Variants in DHRSX observed in about 807,000 individuals in gnomAD.
DHRSX encodes polyprenol dehydrogenase.
A neutral mutation model predicts 34.0 loss-of-function variants in DHRSX; 31 were observed. That is an observed-to-expected ratio of 0.91 (90% CI 0.69 to 1.23). The LOEUF is 1.23. DHRSX is among the 50% of genes most tolerant of loss of function. The pLI is 0.00. For synonymous variants in DHRSX, 201 were observed against 183.8 expected, an observed-to-expected ratio of 1.09 and a Z score of -0.76; for missense variants, 414 against 428.1, an observed-to-expected ratio of 0.97 and a Z score of 0.29.
intron 1 of DHRSX, among the ~76,000 whole-genome samples, chrX:2,458,015 A>T (rs768476603): frequency 3.3e-5 from 5 of 151,816 alleles, no homozygotes; most frequent in South Asian, 4.2e-4. Context: ...TTCCCTAAGA[A>T]TGCGGCCAAG....
At chrX:2,408,837 A>G (rs755401683) in intron 2 of DHRSX, 24 bp from the exon 3 acceptor site, 47 of 1,585,370 alleles carry the variant, frequency 3.0e-5, no homozygotes, top group Non-Finnish European at 3.8e-5. Context: ...GAAAAAAAAG[A>G]TACGGTGACT....
rs781233833 is a variant in DHRSX at position 2,357,700 on chromosome X, TAAAAA to T, written c.286+51040_286+51044del. On this transcript the variant is annotated intron_variant, in intron 3 of 6. Transcript: ENST00000334651. ...TCAAACACTTTGGGACTCAGGAAATTAAAAAAAAAAAAAAAAAAAAGAATCATTGC... is the reference window on the plus strand; with the variant it reads ...TCAAACACTTTGGGACTCAGGAAATTAAAAAAAAAAAAAAAGAATCATTGC... 8.5e-4 allele frequency among the ~76,000 whole-genome samples: 106 copies of T among 125,162 alleles called. 2 individuals carry two copies. The highest frequency in any genetic ancestry group is 2.3e-3 in the Admixed American group (29 of 12,354). The allele number at this position is 125,162 out of a possible 152,430, so 82.1% of individuals were successfully genotyped here.
chrX:2,464,868 A>G (rs1172447755), intron 1 of DHRSX, among the ~76,000 whole-genome samples: 2 of 152,012 alleles, frequency 1.3e-5, no homozygotes, highest in East Asian at 3.9e-4. Flanking sequence ...AGAATTCCCT[A>G]AGCATGTGGC....
intron 1 of DHRSX, chrX:2,488,895 AGTACTT>A: frequency 6.2e-7 from 1 of 1,609,988 alleles, no homozygotes; most frequent in Non-Finnish European, 8.5e-7. Flanking sequence ...GTCACGCACC[AGTACTT>A]CTGCAGCACC....
intron 4 of DHRSX, among the ~76,000 whole-genome samples, chrX:2,284,019 A>C (rs2041770885): frequency 6.6e-6 from 1 of 151,888 alleles, no homozygotes; most frequent in Admixed American, 6.6e-5. Flanking sequence ...CATTCCTCTG[A>C]ATTTATTCAT....
chrX:2,237,256 C>A (rs1314596617), intron 6 of DHRSX, among the ~76,000 whole-genome samples: 5 of 152,138 alleles, frequency 3.3e-5, no homozygotes, highest in African/African-American at 1.2e-4. Context: ...GTCACCCTCT[C>A]GGCACATCAA....
intron 4 of DHRSX, among the ~76,000 whole-genome samples, chrX:2,282,930 G>T (rs1409318499): frequency 2.6e-5 from 4 of 151,626 alleles, no homozygotes; most frequent in African/African-American, 9.7e-5. Context: ...TAGAAGCGGG[G>T]ATGGGGTAGA....
chrX:2,349,911 C>T (rs778588471), intron 3 of DHRSX, among the ~76,000 whole-genome samples: 2 of 149,956 alleles, frequency 1.3e-5, no homozygotes, highest in African/African-American at 4.9e-5. Context: ...TGGTGGCAGG[C>T]GCCTGCAGTC....
chrX:2,355,509 TCTAAAA>T (rs2042838097), intron 3 of DHRSX, among the ~76,000 whole-genome samples: 2 of 38,816 alleles, frequency 5.2e-5, no homozygotes, highest in East Asian at 3.0e-3. Context: ...CGAGACCCCA[TCTAAAA>T]AAAAAAAAAA....
At chrX:2,338,988 T>G (rs1206536100) in intron 3 of DHRSX, among the ~76,000 whole-genome samples, 2 of 152,036 alleles carry the variant, frequency 1.3e-5, no homozygotes, top group African/African-American at 2.4e-5. Flanking sequence ...GGTACACTCA[T>G]GGAATGATAA....
In DHRSX at chrX:2,443,733, A is replaced by G. The variant is rs184861741; in HGVS notation, c.110-18429T>C. The stretch of plus-strand genomic sequence containing the variant: ...AAAAAAAAGAGCCAATGGGCCGGGC[A>G]CGGTAGCTCACGCCTGTAATCCCAG... On this transcript the variant is annotated intron_variant, in intron 1 of 6. Transcript: ENST00000334651. Among the ~76,000 whole-genome samples, 1,455 of 152,292 alleles carry G rather than the reference A, an allele frequency of 9.6e-3. 22 individuals are homozygous for G. Among genetic ancestry groups the G allele is most frequent in the African/African-American group, 0.033 (1,366 of 41,584 alleles).
intron 3 of DHRSX, among the ~76,000 whole-genome samples, chrX:2,343,770 C>G (rs2042668620): frequency 6.6e-6 from 1 of 152,164 alleles, no homozygotes; most frequent in Admixed American, 6.6e-5. Context: ...TTTTCCTACC[C>G]CTTTTCTCTT....
intron 6 of DHRSX, among the ~76,000 whole-genome samples, chrX:2,228,844 C>T (rs2015798550): frequency 6.6e-6 from 1 of 152,148 alleles, no homozygotes; most frequent in Admixed American, 6.6e-5. Flanking sequence ...CCACACTTAA[C>T]TTGTATTAGA....
chrX:2,271,911 C>T (rs781769646), intron 4 of DHRSX, among the ~76,000 whole-genome samples: 11 of 152,092 alleles, frequency 7.2e-5, no homozygotes, highest in African/African-American at 2.7e-4. Context: ...CGTGGTGGTG[C>T]ATGCCTGTAA....
chrX:2,291,075 T>C (rs2041859625), intron 4 of DHRSX, among the ~76,000 whole-genome samples: 1 of 152,028 alleles, frequency 6.6e-6, no homozygotes, highest in South Asian at 2.1e-4. Context: ...GAAGGGGAGA[T>C]ATTGACTCCA....
chrX:2,379,595 GTTTTTTTTTTTTT>G (rs749144665), intron 3 of DHRSX, among the ~76,000 whole-genome samples: 1 of 103,924 alleles, frequency 9.6e-6, no homozygotes, highest in Non-Finnish European at 2.0e-5. Context: ...GGCAGTGGAG[GTTTTTTTTTTTTT>G]TTTTTTTTTT....
At chrX:2,322,869 G>A (rs1178218325) in intron 3 of DHRSX, among the ~76,000 whole-genome samples, 2 of 152,086 alleles carry the variant, frequency 1.3e-5, no homozygotes, top group Non-Finnish European at 2.9e-5. Flanking sequence ...TGCCAGGGAC[G>A]TGTGTGACGC....
At chrX:2,489,420 G>A (rs770247718) in intron 1 of DHRSX, 9 of 1,613,938 alleles carry the variant, frequency 5.6e-6, no homozygotes, top group Non-Finnish European at 7.6e-6. Flanking sequence ...TTGATGTTGA[G>A]CGTGGTGTTC....
chrX:2,462,286 C>A (rs2044413436), intron 1 of DHRSX, among the ~76,000 whole-genome samples: 1 of 151,604 alleles, frequency 6.6e-6, no homozygotes, highest in African/African-American at 2.4e-5. Context: ...TTGCCAAGAA[C>A]AATGTTTACT....
Sources: gnomAD v4.1 joint callset for allele counts (sites outside exome capture counted in the v4.1 genomes callset) on GRCh38, gnomAD v4.1.1 for gene constraint, MANE v1.5 for transcripts, NCBI Gene and HGNC (gene_info 2026-07-23, HGNC 2026-07-21) for gene names.